TMPRSS7: variants seen among roughly 807,000 people sequenced by gnomAD.
TMPRSS7 encodes transmembrane protease serine 7.
A neutral mutation model predicts 95.6 loss-of-function variants in TMPRSS7; 81 were observed. The observed-to-expected ratio is 0.85, with a 90% CI of 0.71 to 1.02. The LOEUF is 1.02. Ranked by LOEUF, TMPRSS7 falls within the 50% of genes least tolerant of loss-of-function variation. The pLI, the probability that TMPRSS7 is intolerant of heterozygous loss-of-function variation, is 0.00. For synonymous variants in TMPRSS7, 364 were observed against 337.8 expected (o/e 1.08, Z -0.85); for missense variants, 945 against 955.2 (o/e 0.99, Z 0.14).
chr3:112,070,962 T>C (rs575410567), intron 13 of TMPRSS7, among the ~76,000 whole-genome samples: 1 of 152,342 alleles, frequency 6.6e-6, no homozygotes, highest in South Asian at 2.1e-4. Context: ...GTTAATATTG[T>C]TATGTGTGAA....
rs966071277 is a variant in TMPRSS7, at chr3:112,074,426, C to G, written c.1783+14C>G. ...AAGAAGGCTGCAGTAAGTAGAAATT[C>G]ATTCCTTTGGGTTCCTGTATTCCCT... On this transcript the variant is annotated intron_variant, in intron 14 of 17. Transcript: ENST00000452346. 6 of 1,576,888 alleles carry G rather than the reference C, an allele frequency of 3.8e-6. No individual in the cohort carries two copies. In the Admixed American group the frequency reaches 6.7e-5, roughly 18 times the overall value.
intron 13 of TMPRSS7, among the ~76,000 whole-genome samples, chr3:112,067,770 T>C (rs569088369): frequency 6.6e-6 from 1 of 152,340 alleles, no homozygotes; most frequent in South Asian, 2.1e-4. Flanking sequence ...TTTTCTCCCA[T>C]TCTGTAGGTT....
At chr3:112,036,373 A>T (rs1036611614) in intron 1 of TMPRSS7, among the ~76,000 whole-genome samples, 3 of 152,214 alleles carry the variant, frequency 2.0e-5, no homozygotes, top group African/African-American at 7.2e-5. Flanking sequence ...GTTCAAGACC[A>T]ACCTGACCAA....
At chr3:112,042,301 C>A (rs12485981) in intron 3 of TMPRSS7, among the ~76,000 whole-genome samples, 6,033 of 152,226 alleles carry the variant, frequency 0.04, 362 homozygotes, top group East Asian at 0.25. Context: ...TTCTTCTGAA[C>A]CGTAAAATAA....
chr3:112,058,054 G>GAATA (rs2073453285), intron 10 of TMPRSS7, among the ~76,000 whole-genome samples: 1 of 152,160 alleles, frequency 6.6e-6, no homozygotes, highest in Non-Finnish European at 1.5e-5. Flanking sequence ...AATACAGGAT[G>GAATA]CCCTGTCTTG....
chr3:112,053,013 C>A (rs527929525), intron 9 of TMPRSS7, among the ~76,000 whole-genome samples: 1 of 151,980 alleles, frequency 6.6e-6, no homozygotes, highest in Non-Finnish European at 1.5e-5. Context: ...GCAGGACAAA[C>A]GTGTTAGCTG....
exon 18 of TMPRSS7, chr3:112,081,133 T>C: frequency 6.5e-7 from 1 of 1,544,444 alleles, no homozygotes; most frequent in Non-Finnish European, 8.7e-7. Context: ...ATAGATACTT[T>C]AAAATGATGC....
intron 4 of TMPRSS7, among the ~76,000 whole-genome samples, chr3:112,045,455 T>C (rs2073265997): frequency 6.6e-6 from 1 of 152,234 alleles, no homozygotes; most frequent in Non-Finnish European, 1.5e-5. Flanking sequence ...GCCATGGTTT[T>C]AAATTTTAAT....
At chr3:112,066,737 G>C (rs535270877) in intron 13 of TMPRSS7, among the ~76,000 whole-genome samples, 1 of 151,700 alleles carries the variant, frequency 6.6e-6, no homozygotes, top group East Asian at 1.9e-4. Flanking sequence ...GTGTGTGAGT[G>C]TGTGTGTGTG....
chr3:112,055,428 A>G (rs781319503), intron 9 of TMPRSS7, among the ~76,000 whole-genome samples: 1 of 146,042 alleles, frequency 6.8e-6, no homozygotes, highest in African/African-American at 2.5e-5. Flanking sequence ...TCAAATGCAC[A>G]TTGGAAACAA....
chr3:112,076,050 T>C (rs548255444), intron 15 of TMPRSS7, among the ~76,000 whole-genome samples: 19 of 152,368 alleles, frequency 1.2e-4, no homozygotes, highest in Non-Finnish European at 2.6e-4. Context: ...ATTATTAAGA[T>C]AGCTTCACAT....
At chr3:112,049,924 T>A (rs760267749) in exon 8 of TMPRSS7, 1 of 1,571,170 alleles carries the variant, frequency 6.4e-7, no homozygotes, top group South Asian at 1.2e-5. Flanking sequence ...TCTCCTCATA[T>A]ACGGAGGCTC....
At chr3:112,078,629 A>G in intron 16 of TMPRSS7, 113 bp from the exon 17 acceptor site, 1 of 1,357,428 alleles carries the variant, frequency 7.4e-7, no homozygotes, top group Non-Finnish European at 1.0e-6. Flanking sequence ...ACCTCAAGGG[A>G]ATTGCCGCTA....
At chr3:112,064,037 G>A (rs944651863) in intron 12 of TMPRSS7, among the ~76,000 whole-genome samples, 3 of 152,180 alleles carry the variant, frequency 2.0e-5, no homozygotes, top group African/African-American at 7.2e-5. Context: ...ACCATCATTT[G>A]TGTTACATTC....
chr3:112,057,132 G>A lies in TMPRSS7; in HGVS notation c.1310+1G>A, dbSNP rs746221604. The A allele has an allele frequency of 3.8e-5, 60 of 1,598,464 alleles. No individual in the cohort carries two copies. The highest frequency in any genetic ancestry group is 1.7e-4 in the Middle Eastern group (1 of 6,048). On this transcript the variant is annotated splice_donor_variant, in intron 10 of 17. Transcript: ENST00000452346. LOFTEE classifies it high-confidence loss of function. ...GATGGTGGGAAATTAATGAGCACAT[G>A]TAAGTGATTTTCATATGTTTTCATA...
intron 6 of TMPRSS7, chr3:112,047,450 C>T: frequency 1.7e-6 from 1 of 584,494 alleles, no homozygotes; most frequent in Non-Finnish European, 3.2e-6. Flanking sequence ...GACTGACATG[C>T]CTATTCTTGA....
intron 10 of TMPRSS7, among the ~76,000 whole-genome samples, chr3:112,058,664 AACAAATCTTT>A (rs1356677575): frequency 6.6e-6 from 1 of 152,218 alleles, no homozygotes; most frequent in Non-Finnish European, 1.5e-5. Flanking sequence ...TTGTAAAGAA[AACAAATCTTT>A]ACAAATCTTT....
chr3:112,063,515 T>C lies in TMPRSS7; in HGVS notation c.1448-10T>C, dbSNP rs2073538330. The C allele has an allele frequency of 6.2e-7, 1 of 1,609,260 alleles. No homozygotes were observed. Among genetic ancestry groups the C allele is most frequent in the Admixed American group, 1.7e-5 (1 of 59,598 alleles). On this transcript the variant is annotated splice_polypyrimidine_tract_variant and intron_variant, in intron 11 of 17. Coordinates refer to ENST00000452346, the Ensembl canonical transcript of TMPRSS7. ...AGATTTTCTATTTTTTGATTTTTTGTTGCCCATAGCCTGCCCTGTTGGATC... is the reference window on the plus strand; with the variant it reads ...AGATTTTCTATTTTTTGATTTTTTGCTGCCCATAGCCTGCCCTGTTGGATC...
intron 9 of TMPRSS7, among the ~76,000 whole-genome samples, chr3:112,051,268 C>T (rs2073345280): frequency 6.6e-6 from 1 of 151,858 alleles, no homozygotes. Context: ...AAAAACAATA[C>T]AATATAACAA....
Sources: allele counts gnomAD v4.1 joint callset (sites outside exome capture counted in the v4.1 genomes callset), GRCh38; gene constraint gnomAD v4.1.1; transcripts MANE v1.5; gene names NCBI Gene and HGNC (gene_info 2026-07-23, HGNC 2026-07-21).